The following AP1G1 variants were observed in gnomAD, a reference collection of about 807,000 sequenced individuals.
The protein encoded by AP1G1 is adaptor related protein complex 1 subunit gamma 1, also known as AP-1 complex subunit gamma-1.
In AP1G1, 7 loss-of-function variants were observed where a neutral mutation model predicts 108.3. That is an observed-to-expected ratio of 0.06 (90% CI 0.04 to 0.12). The LOEUF is 0.12. AP1G1 is among the 10% of genes least tolerant of loss of function. The pLI, the probability that AP1G1 is intolerant of heterozygous loss-of-function variation, is 1.00. For synonymous variants in AP1G1, 379 were observed against 353.5 expected (o/e 1.07, Z -0.81); for missense variants, 756 against 1,010.7 (o/e 0.75, Z 3.42).
intron 9 of AP1G1, among the ~76,000 whole-genome samples, chr16:71,762,766 A>G (rs1451106880): frequency 6.6e-6 from 1 of 152,204 alleles, no homozygotes; most frequent in African/African-American, 2.4e-5. Context: ...CAGCAAGCAT[A>G]AGTAAAGTGT....
At position 71,801,854 on chromosome 16, in the gene AP1G1, G is replaced by A. The variant is rs560893870; in HGVS notation, c.-4+6909C>T. 4.6e-5 allele frequency among the ~76,000 whole-genome samples: 7 copies of A among 151,380 alleles called. No individual in the cohort carries two copies. The South Asian group carries it at 1.5e-3, about 32-fold the overall frequency. On this transcript the variant is annotated intron_variant, in intron 1 of 22. Coordinates refer to ENST00000299980, the MANE Select transcript of AP1G1 (RefSeq NM_001128.6). ...GGAGAATGGCATGAACCCGGGAGGC[G>A]GAGCTTGCAGTGAGCCGAGATTGCG...
intron 7 of AP1G1, 36 bp from the exon 8 acceptor site, chr16:71,764,762 T>C (rs572609516): frequency 4.3e-5 from 58 of 1,336,246 alleles, no homozygotes; most frequent in Non-Finnish European, 5.8e-5. Context: ...CAACAAATTA[T>C]GTCTCACACA....
chr16:71,807,765 T>C (rs2033043775), intron 1 of AP1G1: 2 of 1,265,010 alleles, frequency 1.6e-6, no homozygotes, highest in East Asian at 1.1e-4. Context: ...TGTTAACTAA[T>C]CACTGTAAAG....
In AP1G1 at chr16:71,774,463, C is replaced by T. The variant is rs778767421; in HGVS notation, c.326+5G>A. The stretch of plus-strand genomic sequence containing the variant: ...GTTGTTAGAAGAAAGAAAAGTAAGA[C>T]TTACTTCTTGATACAGTTGGTCATG... On this transcript the variant is annotated splice_donor_5th_base_variant and intron_variant, in intron 3 of 22. Transcript: ENST00000299980. The T allele has an allele frequency of 1.9e-6, 3 of 1,591,130 alleles. No individual in the cohort carries two copies. The highest frequency in any genetic ancestry group is 2.6e-6 in the Non-Finnish European group (3 of 1,174,546).
At chr16:71,761,452 C>G (rs1001843392) in intron 10 of AP1G1, 60 bp downstream of exon 10, 2 of 1,177,046 alleles carry the variant, frequency 1.7e-6, no homozygotes, top group Non-Finnish European at 2.5e-6. Context: ...TGAGCAGAAT[C>G]GCTCTTAAAA....
intron 2 of AP1G1, among the ~76,000 whole-genome samples, chr16:71,783,755 T>A (rs1309347445): frequency 6.6e-6 from 1 of 152,234 alleles, no homozygotes; most frequent in Non-Finnish European, 1.5e-5. Context: ...AATGTAGATT[T>A]CCATTCCACA....
At position 71,773,310 on chromosome 16, in the gene AP1G1, C is replaced by T; in HGVS notation, c.379G>A (p.Gly127Ser). 2.5e-6 allele frequency: 4 copies of T among 1,595,354 alleles called. No individual in the cohort carries two copies. Among genetic ancestry groups the T allele is most frequent in the Non-Finnish European group, 3.4e-6 (4 of 1,174,744 alleles). The stretch of plus-strand genomic sequence containing the variant: ...CACATCTCTGAGGAGCCCATGCAGC[C>T]GAGGGTACAAAGTGCTAACCCCTGT... ...FVQGLALCTL[G>S]CMGSSEMCRD... The change falls in exon 4 of 23, where the codon GGC becomes AGC. Residue 127 changes from glycine to serine, a missense_variant. Coordinates refer to ENST00000299980, the MANE Select transcript of AP1G1 (RefSeq NM_001128.6).
intron 15 of AP1G1, among the ~76,000 whole-genome samples, chr16:71,749,246 C>T (rs1297897775): frequency 6.6e-6 from 1 of 151,766 alleles, no homozygotes; most frequent in Admixed American, 6.6e-5. Context: ...CTTTGAGAGG[C>T]CAAGGCAGGC....
intron 15 of AP1G1, 139 bp downstream of exon 15, chr16:71,749,755 C>T (rs62056460): frequency 0.16 from 111,144 of 693,612 alleles, 9,853 homozygotes; most frequent in East Asian, 0.18. Context: ...CCTCCCAAAG[C>T]GCTGGGATTA....
intron 19 of AP1G1, chr16:71,743,288 C>G (rs2029965211): frequency 6.7e-6 from 1 of 149,926 alleles, no homozygotes; most frequent in South Asian, 2.3e-4. Context: ...CTCTGTGACT[C>G]CACTGTATTA....
At chr16:71,780,044 G>T (rs2031950636) in intron 2 of AP1G1, among the ~76,000 whole-genome samples, 1 of 149,856 alleles carries the variant, frequency 6.7e-6, no homozygotes, top group South Asian at 2.1e-4. Context: ...CCCAGGCTGG[G>T]GTGCAGTGGT....
chr16:71,764,253 A>C, intron 9 of AP1G1, 97 bp downstream of exon 9: 1 of 655,256 alleles, frequency 1.5e-6, no homozygotes, highest in East Asian at 3.0e-5. Flanking sequence ...CTTAAAGTCG[A>C]GTTCCAAATG....
intron 6 of AP1G1, among the ~76,000 whole-genome samples, chr16:71,768,361 C>G (rs1027356479): frequency 2.6e-5 from 4 of 151,192 alleles, no homozygotes; most frequent in Non-Finnish European, 5.9e-5. Context: ...ATTAGCCGGG[C>G]ATGGTGGCAG....
chr16:71,738,827 T>G, intron 21 of AP1G1, 115 bp downstream of exon 21: 2 of 956,006 alleles, frequency 2.1e-6, no homozygotes, highest in South Asian at 3.6e-5. Flanking sequence ...TAGTTTGAAT[T>G]AAGTCTACAA....
chr16:71,808,085 C>A, intron 1 of AP1G1: 1 of 1,169,534 alleles, frequency 8.6e-7, no homozygotes. Context: ...CGAACCGTCC[C>A]GACTCTTTCA....
intron 1 of AP1G1, among the ~76,000 whole-genome samples, chr16:71,802,740 T>C (rs1294359378): frequency 6.8e-6 from 1 of 146,574 alleles, no homozygotes; most frequent in Non-Finnish European, 1.5e-5. Flanking sequence ...AAAAAAAAAA[T>C]TCGTACAGCC....
intron 11 of AP1G1, 169 bp downstream of exon 11, chr16:71,758,639 A>C (rs2030928238): frequency 1.6e-6 from 1 of 613,362 alleles, no homozygotes; most frequent in South Asian, 1.9e-5. Flanking sequence ...CTTTCTAAAA[A>C]AAGGATTCAC....
intron 15 of AP1G1, among the ~76,000 whole-genome samples, chr16:71,748,706 G>GA (rs1311262331): frequency 6.6e-6 from 1 of 152,144 alleles, no homozygotes; most frequent in African/African-American, 2.4e-5. Context: ...TTCAAGTGTT[G>GA]TTGCCACAAT....
Position 71,736,114 on chromosome 16 carries a change from AAAAATATATATATAT to A in AP1G1, c.2269-1422_2269-1408del, listed in dbSNP as rs1205289356. ...ACTCCATCTCAAAAAAAAAAAAAAA[AAAAATATATATATAT>A]ATATATATATATATATATGGTCTTA... On this transcript the variant is annotated intron_variant, in intron 21 of 22. Coordinates refer to ENST00000299980, the MANE Select transcript of AP1G1 (RefSeq NM_001128.6). Among the ~76,000 whole-genome samples the A allele has an allele frequency of 4.0e-5, 3 of 74,108 alleles. 1 individual carries two copies. The highest frequency in any genetic ancestry group is 1.7e-4 in the African/African-American group (3 of 17,444). 48.6% of individuals were successfully genotyped at this position (74,108 alleles called of 152,430 possible). A position where few individuals can be genotyped will look rare whatever the true frequency, so the allele number is the denominator to read the frequency against.
Sources: allele counts gnomAD v4.1 joint callset (sites outside exome capture counted in the v4.1 genomes callset), GRCh38; gene constraint gnomAD v4.1.1; transcripts MANE v1.5; gene names NCBI Gene and HGNC (gene_info 2026-07-23, HGNC 2026-07-21).